ASTN2: variants seen among roughly 807,000 people sequenced by gnomAD.
The protein encoded by ASTN2 is astrotactin 2.
A neutral mutation model predicts 139.8 loss-of-function variants in ASTN2; 54 were observed. The observed-to-expected ratio is 0.39, with a 90% CI of 0.31 to 0.48. ASTN2 has a LOEUF of 0.48. Ranked by LOEUF, ASTN2 falls within the 20% of genes least tolerant of loss-of-function variation. ASTN2 has a pLI of 0.95. For missense variants in ASTN2, 1,565 were observed against 1,725.1 expected (o/e 0.91, Z 1.64); for synonymous variants, 756 against 719.5 (o/e 1.05, Z -0.81).
At chr9:117,394,559 A>T (rs1204034839) in intron 1 of ASTN2, among the ~76,000 whole-genome samples, 2 of 152,202 alleles carry the variant, frequency 1.3e-5, no homozygotes, top group Non-Finnish European at 2.9e-5. Flanking sequence ...GCAAAGAGGG[A>T]AAGCGGGAGG....
At chr9:117,155,778 T>C (rs908275262) in intron 3 of ASTN2, among the ~76,000 whole-genome samples, 23 of 152,074 alleles carry the variant, frequency 1.5e-4, no homozygotes, top group African/African-American at 5.6e-4. Flanking sequence ...TCCACACCAA[T>C]AATGTAGATT....
In ASTN2 at chr9:116,718,972, G is replaced by GTATA. The variant is rs373217069; in HGVS notation, c.2806+6798_2806+6799insTATA. Among the ~76,000 whole-genome samples, 343 of 99,656 alleles carry GTATA rather than the reference G, an allele frequency of 3.4e-3. 14 individuals carry two copies. The highest frequency in any genetic ancestry group is 3.5e-3 in the African/African-American group (91 of 25,988). The allele number at this position is 99,656 out of a possible 152,430, so 65.4% of individuals were successfully genotyped here. A position where few individuals can be genotyped will look rare whatever the true frequency, so the allele number is the denominator to read the frequency against. ...TATTTACATATCTATACCTGTATCT[G>GTATA]TACATATATATATATATATCTGCCT... On this transcript the variant is annotated intron_variant, in intron 16 of 22. Transcript: ENST00000313400.
intron 10 of ASTN2, among the ~76,000 whole-genome samples, chr9:116,910,584 G>T (rs1834283681): frequency 6.6e-6 from 1 of 152,184 alleles, no homozygotes; most frequent in Non-Finnish European, 1.5e-5. Flanking sequence ...ACTGGCTGGG[G>T]CCGGAAGTGG....
At chr9:117,044,370 A>G (rs1838672295) in intron 5 of ASTN2, among the ~76,000 whole-genome samples, 1 of 152,212 alleles carries the variant, frequency 6.6e-6, no homozygotes. Context: ...GAAGTCCAGG[A>G]GGATGAAAGC....
chr9:117,276,933 T>G (rs538945235), intron 2 of ASTN2: 1 of 152,190 alleles, frequency 6.6e-6, no homozygotes, highest in Non-Finnish European at 1.5e-5. Flanking sequence ...TTTTAAAAAT[T>G]AGCATGTTAA....
chr9:117,008,789 A>C (rs1042535561), intron 6 of ASTN2, among the ~76,000 whole-genome samples: 3 of 152,230 alleles, frequency 2.0e-5, no homozygotes, highest in Non-Finnish European at 4.4e-5. Flanking sequence ...CACAGGGGCC[A>C]GGTGGCTAAC....
intron 16 of ASTN2, among the ~76,000 whole-genome samples, chr9:116,657,263 T>C (rs1011572183): frequency 6.6e-6 from 1 of 152,188 alleles, no homozygotes; most frequent in East Asian, 1.9e-4. Flanking sequence ...GTGCCCTTTA[T>C]AAATAATAGT....
intron 19 of ASTN2, among the ~76,000 whole-genome samples, chr9:116,609,183 T>TATTTGTTATCTCTGTA: frequency 6.6e-6 from 1 of 151,168 alleles, no homozygotes; most frequent in Non-Finnish European, 1.5e-5. Flanking sequence ...GTCCAAAAAT[T>TATTTGTTATCTCTGTA]TTCCAAATTT....
intron 19 of ASTN2, among the ~76,000 whole-genome samples, chr9:116,532,313 C>T (rs569884574): frequency 0.013 from 1,980 of 152,242 alleles, 36 homozygotes; most frequent in African/African-American, 0.045. Context: ...CTGTAGGTTG[C>T]TTGTTCACTC....
At chr9:117,367,206 A>G (rs1829868037) in intron 1 of ASTN2, among the ~76,000 whole-genome samples, 1 of 152,198 alleles carries the variant, frequency 6.6e-6, no homozygotes, top group African/African-American at 2.4e-5. Flanking sequence ...GAAGTGAACT[A>G]CAACAAAAAC....
chr9:117,040,450 T>G (rs1284245032), intron 5 of ASTN2, among the ~76,000 whole-genome samples: 2 of 152,166 alleles, frequency 1.3e-5, no homozygotes, highest in Non-Finnish European at 2.9e-5. Flanking sequence ...AAACCTCAGT[T>G]TCTTTCTTTC....
chr9:116,512,161 A>G (rs1850417940), intron 19 of ASTN2, among the ~76,000 whole-genome samples: 1 of 152,188 alleles, frequency 6.6e-6, no homozygotes, highest in Non-Finnish European at 1.5e-5. Context: ...TCTCCCTCAC[A>G]CACTGCTTTA....
intron 21 of ASTN2, among the ~76,000 whole-genome samples, chr9:116,441,405 C>A (rs770353787): frequency 1.1e-4 from 16 of 149,668 alleles, no homozygotes; most frequent in Non-Finnish European, 1.9e-4. Flanking sequence ...AAATCATTAC[C>A]AACAACAGTT....
chr9:117,003,371 TG>T (rs1837244801), intron 7 of ASTN2, among the ~76,000 whole-genome samples: 1 of 152,134 alleles, frequency 6.6e-6, no homozygotes, highest in South Asian at 2.1e-4. Flanking sequence ...AAGCACTGGT[TG>T]AAGGCATGGA....
At chr9:116,625,286 TAGTC>T (rs1400073836) in intron 17 of ASTN2, among the ~76,000 whole-genome samples, 2 of 151,914 alleles carry the variant, frequency 1.3e-5, no homozygotes, top group African/African-American at 2.4e-5. Flanking sequence ...ATACAAAACT[TAGTC>T]AGGTGTGGTG....
intron 3 of ASTN2, among the ~76,000 whole-genome samples, chr9:117,205,006 AG>A (rs1281750083): frequency 9.8e-5 from 15 of 152,304 alleles, no homozygotes; most frequent in African/African-American, 3.6e-4. Context: ...TCTATGTGGG[AG>A]GCACTGTGCT....
chr9:116,994,741 A>G (rs1032435628), intron 7 of ASTN2, among the ~76,000 whole-genome samples: 1 of 152,206 alleles, frequency 6.6e-6, no homozygotes, highest in Non-Finnish European at 1.5e-5. Flanking sequence ...CTCTTGCTTC[A>G]TGATTCAGTT....
chr9:117,262,098 T>C (rs959213592), intron 2 of ASTN2, among the ~76,000 whole-genome samples: 2 of 152,202 alleles, frequency 1.3e-5, no homozygotes, highest in South Asian at 2.1e-4. Context: ...AGAGTAAATC[T>C]GAGCCTAGTA....
chr9:116,905,890 C>T lies in ASTN2; in HGVS notation c.1890-42157G>A, dbSNP rs28398083. Among the ~76,000 whole-genome samples the T allele has an allele frequency of 1.1e-3, 172 of 150,296 alleles. 3 individuals are homozygous for T. The highest frequency in any genetic ancestry group is 3.4e-3 in the Middle Eastern group (1 of 294). On this transcript the variant is annotated intron_variant, in intron 10 of 22. Transcript: ENST00000313400. ...TTGGGGGGGGGTGCGGGGGGTGTGC[C>T]GTTTAAGAGCCTAGGAGTCAGACAT...
Sources: allele counts gnomAD v4.1 joint callset (sites outside exome capture counted in the v4.1 genomes callset), GRCh38; gene constraint gnomAD v4.1.1; transcripts MANE v1.5; gene names NCBI Gene and HGNC (gene_info 2026-07-23, HGNC 2026-07-21).